EEPD1: variants seen among roughly 807,000 people sequenced by gnomAD.
EEPD1 encodes endonuclease/exonuclease/phosphatase family domain-containing protein 1.
In EEPD1, 17 loss-of-function variants were observed where a neutral mutation model predicts 46.3. That is an observed-to-expected ratio of 0.37 (90% CI 0.25 to 0.55). The LOEUF (loss-of-function observed/expected upper bound fraction) is 0.55. Ranked by LOEUF, EEPD1 falls within the 20% of genes least tolerant of loss-of-function variation. EEPD1 has a pLI of 0.83. For synonymous variants in EEPD1, 313 were observed against 315.6 expected, an observed-to-expected ratio of 0.99 and a Z score of 0.09; for missense variants, 673 against 745.6, an observed-to-expected ratio of 0.90 and a Z score of 1.13.
intron 2 of EEPD1, among the ~76,000 whole-genome samples, chr7:36,210,814 C>G (rs1322947536): frequency 6.6e-6 from 1 of 152,232 alleles, no homozygotes; most frequent in African/African-American, 2.4e-5. Context: ...TCCAGGAAGC[C>G]TTCCCTGACC....
intron 6 of EEPD1, among the ~76,000 whole-genome samples, chr7:36,288,123 G>A (rs1430522252): frequency 2.0e-5 from 3 of 152,150 alleles, no homozygotes; most frequent in East Asian, 1.9e-4. Flanking sequence ...CGGTGGTGCC[G>A]CCTGCAGATT....
Position 36,155,071 on chromosome 7 carries a change from G to T in EEPD1, c.747G>T (p.Glu249Asp), listed in dbSNP as rs781642725. Residue 249 changes from glutamate (E) to aspartate (D), a missense_variant, in exon 2 of 8, where the codon GAG becomes GAT. Coordinates refer to ENST00000242108, the MANE Select transcript of EEPD1 (RefSeq NM_030636.3). ...TQIISTRPSVEAFGGTRDGRP... is the reference protein window; with the variant it reads ...TQIISTRPSVDAFGGTRDGRP... ...TTATCTCCACTCGGCCGTCCGTGGAGGCCTTTGGAGGCACAAGGGATGGGA... is the reference window on the plus strand; with the variant it reads ...TTATCTCCACTCGGCCGTCCGTGGATGCCTTTGGAGGCACAAGGGATGGGA... 3 of 1,590,654 alleles carry T rather than the reference G, an allele frequency of 1.9e-6. No homozygotes were observed. The highest frequency in any genetic ancestry group is 2.6e-6 in the Non-Finnish European group (3 of 1,166,972).
rs1347197437 is a variant in EEPD1 at position 36,226,313 on chromosome 7, G to A, written c.879-12672G>A. ...TGAGTACTAATAGCCGCCATTCCGA[G>A]AGGCTTATGAGGGAAGCAGCGTGCT... On this transcript the variant is annotated intron_variant, in intron 2 of 7. Transcript: ENST00000242108. Among the ~76,000 whole-genome samples the A allele has an allele frequency of 2.6e-5, 4 of 152,190 alleles. No individual in the cohort carries two copies. In the East Asian group the frequency reaches 7.7e-4, roughly 29 times the overall value.
In EEPD1 at chr7:36,154,645, G is replaced by T; in HGVS notation, c.321G>T (p.Ala107=). ...GTGTGAGCAGCAAGGGCAGCTCAGC[G>T]CAGCACTCTCCCAGTTCCCTGCGGC... ...EICVSSKGSS[A]QHSPSSLRRD... is the part of the protein sequence containing the mutation. Residue 107 remains alanine (A), a synonymous_variant, in exon 2 of 8, where the codon GCG becomes GCT. Transcript: ENST00000242108. The surrounding 1 kb of genome is among the most constrained non-coding windows in gnomAD (Gnocchi z 4.2). 1 of 1,613,924 alleles carries T rather than the reference G, an allele frequency of 6.2e-7. No individual in the cohort carries two copies. The highest frequency in any genetic ancestry group is 8.5e-7 in the Non-Finnish European group (1 of 1,180,034).
At chr7:36,237,243 C>A (rs1351053882) in intron 2 of EEPD1, among the ~76,000 whole-genome samples, 1 of 152,194 alleles carries the variant, frequency 6.6e-6, no homozygotes, top group Non-Finnish European at 1.5e-5. Context: ...CCGGACACAC[C>A]ATCTTTAAGA....
chr7:36,236,946 C>G (rs1786458354), intron 2 of EEPD1, among the ~76,000 whole-genome samples: 1 of 152,204 alleles, frequency 6.6e-6, no homozygotes, highest in African/African-American at 2.4e-5. Context: ...CCTACCATAC[C>G]AGGCTGTGGA....
At chr7:36,237,021 G>GT (rs2115778788) in intron 2 of EEPD1, among the ~76,000 whole-genome samples, 1 of 152,330 alleles carries the variant, frequency 6.6e-6, no homozygotes, top group South Asian at 2.1e-4. Flanking sequence ...CCATGCTGCT[G>GT]TAACACTCAC....
intron 3 of EEPD1, among the ~76,000 whole-genome samples, chr7:36,275,663 T>C (rs894266775): frequency 6.6e-6 from 1 of 152,182 alleles, no homozygotes; most frequent in Non-Finnish European, 1.5e-5. Flanking sequence ...AGTTTCACCA[T>C]GTTGGTCAGG....
At chr7:36,199,690 G>A (rs978395393) in intron 2 of EEPD1, among the ~76,000 whole-genome samples, 1 of 152,122 alleles carries the variant, frequency 6.6e-6, no homozygotes, top group African/African-American at 2.4e-5. Flanking sequence ...ACCCTAAAAT[G>A]GGGGTAAGAC....
intron 2 of EEPD1, among the ~76,000 whole-genome samples, chr7:36,207,640 C>T (rs528985171): frequency 1.3e-5 from 2 of 152,338 alleles, no homozygotes; most frequent in East Asian, 3.9e-4. Flanking sequence ...CCTGCTCGAT[C>T]AGGTGACCTC....
At chr7:36,279,548 A>C (rs1787230521) in intron 3 of EEPD1, among the ~76,000 whole-genome samples, 1 of 152,202 alleles carries the variant, frequency 6.6e-6, no homozygotes, top group Non-Finnish European at 1.5e-5. Context: ...CAACCATTGT[A>C]TGTGGGCTGC....
At chr7:36,195,219 G>A (rs535224315) in intron 2 of EEPD1, among the ~76,000 whole-genome samples, 2 of 152,318 alleles carry the variant, frequency 1.3e-5, no homozygotes, top group African/African-American at 4.8e-5. Context: ...GACACATGCT[G>A]AGACCTGAAG....
At chr7:36,161,878 A>AAGAACAAGGCAG in intron 2 of EEPD1, among the ~76,000 whole-genome samples, 1 of 143,976 alleles carries the variant, frequency 6.9e-6, no homozygotes, top group African/African-American at 2.6e-5. Context: ...TCAGTGACAG[A>AAGAACAAGGCAG]GTGAGACCCT....
At chr7:36,190,397 AGATACTAACTATG>A (rs1270003200) in intron 2 of EEPD1, among the ~76,000 whole-genome samples, 1 of 152,168 alleles carries the variant, frequency 6.6e-6, no homozygotes, top group Admixed American at 6.5e-5. Context: ...ACACATGGTG[AGATACTAACTATG>A]GATTCCAGTT....
At chr7:36,245,554 G>A (rs766426083) in intron 3 of EEPD1, among the ~76,000 whole-genome samples, 3 of 152,136 alleles carry the variant, frequency 2.0e-5, no homozygotes, top group Admixed American at 1.3e-4. Context: ...GCCCCTTGTG[G>A]GATCAGGCTT....
intron 2 of EEPD1, among the ~76,000 whole-genome samples, chr7:36,156,345 G>A (rs1324640364): frequency 6.6e-6 from 1 of 152,132 alleles, no homozygotes; most frequent in Non-Finnish European, 1.5e-5. Flanking sequence ...CTCCACACTG[G>A]GTCAGGGAAC....
At chr7:36,254,826 AT>A (rs1786803417) in intron 3 of EEPD1, among the ~76,000 whole-genome samples, 1 of 152,216 alleles carries the variant, frequency 6.6e-6, no homozygotes, top group African/African-American at 2.4e-5. Context: ...AATGATCGCC[AT>A]TCTAACTGGC....
chr7:36,196,397 C>T (rs1396193550), intron 2 of EEPD1, among the ~76,000 whole-genome samples: 1 of 147,086 alleles, frequency 6.8e-6, no homozygotes, highest in Non-Finnish European at 1.5e-5. Context: ...TCTCCCATCT[C>T]CCTCTCCCTC....
chr7:36,174,842 G>T (rs547598521), intron 2 of EEPD1, among the ~76,000 whole-genome samples: 123 of 152,202 alleles, frequency 8.1e-4, no homozygotes, highest in African/African-American at 2.9e-3. Flanking sequence ...GCTGATATTT[G>T]CCCTGTTAAA....
Sources: gnomAD v4.1 joint callset for allele counts (sites outside exome capture counted in the v4.1 genomes callset) on GRCh38, gnomAD v4.1.1 for gene constraint, Gnocchi (gnomAD v3.1) non-coding constraint, MANE v1.5 for transcripts, NCBI Gene and HGNC (gene_info 2026-07-23, HGNC 2026-07-21) for gene names.